The following PRKD1 variants were observed in gnomAD, a reference collection of about 807,000 sequenced individuals.
The protein encoded by PRKD1 is protein kinase D1.
Under a neutral mutation model 95.9 loss-of-function variants are expected in PRKD1, and 63 were observed. The ratio of observed to expected loss-of-function variants is 0.66; its 90% confidence interval spans 0.54 to 0.81. The LOEUF (loss-of-function observed/expected upper bound fraction) is 0.81, where lower values mean the gene tolerates loss of function less well. PRKD1 is among the 30% of genes least tolerant of loss of function. PRKD1 has a pLI of 0.00. For missense variants in PRKD1, 1,048 were observed against 1,165.3 expected (o/e 0.90, Z 1.47); for synonymous variants, 425 against 423.1 (o/e 1.00, Z -0.05).
At chr14:29,629,166 T>C (rs1171715015) in intron 10 of PRKD1, 73 bp from the exon 11 acceptor site, 3 of 1,260,970 alleles carry the variant, frequency 2.4e-6, no homozygotes, top group Non-Finnish European at 2.3e-6. Context: ...AGTAAGTACA[T>C]GCTTACAAAT....
At chr14:29,782,200 C>G (rs1015852002) in intron 1 of PRKD1, among the ~76,000 whole-genome samples, 1 of 152,160 alleles carries the variant, frequency 6.6e-6, no homozygotes, top group Non-Finnish European at 1.5e-5. Flanking sequence ...TACTGGTAAA[C>G]ATTTTTTAAC....
At chr14:29,687,632 A>G (rs1883961729) in intron 2 of PRKD1, among the ~76,000 whole-genome samples, 2 of 152,206 alleles carry the variant, frequency 1.3e-5, no homozygotes, top group Admixed American at 6.5e-5. Context: ...ACTCTGACAC[A>G]CCACTTAGAA....
At chr14:29,632,212 T>A (rs937913117) in intron 9 of PRKD1, among the ~76,000 whole-genome samples, 14 of 152,216 alleles carry the variant, frequency 9.2e-5, no homozygotes, top group Non-Finnish European at 1.5e-4. Flanking sequence ...AAGTTTTAAT[T>A]TTAAAATTAG....
chr14:29,633,085 G>A, intron 8 of PRKD1, 139 bp from the exon 9 acceptor site: 1 of 733,710 alleles, frequency 1.4e-6, no homozygotes, highest in South Asian at 1.7e-5. Flanking sequence ...GCAGACTCAT[G>A]CTCAATTTCA....
chr14:29,775,536 C>G (rs1456738304), intron 1 of PRKD1, among the ~76,000 whole-genome samples: 1 of 152,164 alleles, frequency 6.6e-6, no homozygotes, highest in Admixed American at 6.5e-5. Flanking sequence ...ACCCACGGAC[C>G]CTCGCTCATT....
At chr14:29,640,472 C>A (rs1880686063) in intron 4 of PRKD1, among the ~76,000 whole-genome samples, 1 of 152,126 alleles carries the variant, frequency 6.6e-6, no homozygotes, top group Non-Finnish European at 1.5e-5. Context: ...CCTACAGTTA[C>A]ATTCACAATT....
At chr14:29,892,027 T>C (rs1006046042) in intron 1 of PRKD1, among the ~76,000 whole-genome samples, 3 of 152,214 alleles carry the variant, frequency 2.0e-5, no homozygotes, top group African/African-American at 4.8e-5. Flanking sequence ...TTGTAGTGAC[T>C]CCACTTTGGC....
intron 1 of PRKD1, among the ~76,000 whole-genome samples, chr14:29,735,259 G>A (rs1431694875): frequency 6.6e-6 from 1 of 152,124 alleles, no homozygotes; most frequent in Non-Finnish European, 1.5e-5. Context: ...GCAATAAAAT[G>A]AAATAAAAAT....
chr14:29,922,654 T>C (rs1377469405), intron 1 of PRKD1, among the ~76,000 whole-genome samples: 1 of 151,626 alleles, frequency 6.6e-6, no homozygotes, highest in African/African-American at 2.4e-5. Flanking sequence ...AAGGCTGAGG[T>C]GGGAGGATTG....
intron 2 of PRKD1, among the ~76,000 whole-genome samples, chr14:29,705,644 C>T (rs1367347958): frequency 1.3e-5 from 2 of 152,040 alleles, no homozygotes; most frequent in Non-Finnish European, 2.9e-5. Context: ...ATTCTTCCCT[C>T]CCTCAAGCCT....
intron 1 of PRKD1, among the ~76,000 whole-genome samples, chr14:29,795,178 T>C (rs541370244): frequency 5.9e-5 from 9 of 152,090 alleles, no homozygotes; most frequent in Non-Finnish European, 1.0e-4. Flanking sequence ...AATGGATCAA[T>C]AGTTCATCAA....
At chr14:29,617,840 G>A (rs1878970603) in intron 13 of PRKD1, among the ~76,000 whole-genome samples, 1 of 152,074 alleles carries the variant, frequency 6.6e-6, no homozygotes, top group African/African-American at 2.4e-5. Flanking sequence ...GCTGAGGTGG[G>A]AGGATGACTT....
chr14:29,638,409 C>G (rs993480576), intron 6 of PRKD1, 80 bp downstream of exon 6: 9 of 1,530,892 alleles, frequency 5.9e-6, no homozygotes, highest in Non-Finnish European at 8.1e-6. Context: ...AAACCAAAAC[C>G]AAAAACCCTG....
chr14:29,826,857 A>ATATATG (rs1410726618), intron 1 of PRKD1, among the ~76,000 whole-genome samples: 1 of 99,072 alleles, frequency 1.0e-5, no homozygotes, highest in Non-Finnish European at 2.0e-5. Context: ...ATATATATAT[A>ATATATG]TATATATATA....
intron 4 of PRKD1, chr14:29,656,534 A>C (rs1408598742): frequency 6.5e-7 from 1 of 1,531,260 alleles, no homozygotes; most frequent in Non-Finnish European, 8.8e-7. Context: ...AAAAGCAGGC[A>C]AAGGTGCAGA....
chr14:29,621,129 G>A (rs1274753767), intron 13 of PRKD1, among the ~76,000 whole-genome samples: 1 of 149,164 alleles, frequency 6.7e-6, no homozygotes, highest in Non-Finnish European at 1.5e-5. Flanking sequence ...ACTCATAGGT[G>A]GGAATTGAAC....
At chr14:29,885,802 A>T in intron 1 of PRKD1, among the ~76,000 whole-genome samples, 1 of 130,112 alleles carries the variant, frequency 7.7e-6, no homozygotes, top group East Asian at 2.1e-4. Context: ...CCCCATCTTT[A>T]CTAAAAAAAA....
intron 2 of PRKD1, among the ~76,000 whole-genome samples, chr14:29,719,576 C>G (rs1253027101): frequency 2.0e-5 from 3 of 152,284 alleles, no homozygotes; most frequent in East Asian, 3.9e-4. Context: ...CACTTAGATT[C>G]AAGCTCTGGT....
chr14:29,775,114 A>C (rs568554676), intron 1 of PRKD1, among the ~76,000 whole-genome samples: 1 of 151,950 alleles, frequency 6.6e-6, no homozygotes, highest in Admixed American at 6.5e-5. Flanking sequence ...TGATTTATGA[A>C]AAAAAAAATG....
Sources: gnomAD v4.1 joint callset for allele counts (sites outside exome capture counted in the v4.1 genomes callset) on GRCh38, gnomAD v4.1.1 for gene constraint, MANE v1.5 for transcripts, NCBI Gene and HGNC (gene_info 2026-07-23, HGNC 2026-07-21) for gene names.